KIAA1210: variants seen among roughly 807,000 people sequenced by gnomAD.
The protein encoded by KIAA1210 is KIAA1210, also known as acrosomal protein KIAA1210.
A neutral mutation model predicts 78.9 loss-of-function variants in KIAA1210; 48 were observed. The observed-to-expected ratio is 0.61, with a 90% CI of 0.48 to 0.77. The LOEUF is 0.77. Among genes scored for constraint, KIAA1210 ranks in the 30% least tolerant of loss-of-function variants. The pLI is 0.00. For missense variants in KIAA1210, 1,108 were observed against 1,100.0 expected (o/e 1.01, Z -0.10); for synonymous variants, 406 against 404.5 (o/e 1.00, Z -0.04).
intron 5 of KIAA1210, among the ~76,000 whole-genome samples, chrX:119,106,552 T>C (rs1927899423): frequency 8.9e-6 from 1 of 111,903 alleles, no homozygotes; most frequent in Non-Finnish European, 1.9e-5. Flanking sequence ...CCAGAACATA[T>C]GGTGTGCCTG....
chrX:119,096,762 T>A (rs1198851774), intron 6 of KIAA1210, 71 bp from the exon 7 acceptor site: 1 of 799,865 alleles, frequency 1.3e-6, no homozygotes, highest in Non-Finnish European at 1.7e-6. Flanking sequence ...TGGATATTCT[T>A]CCGGCTGAAG....
chrX:119,089,521 G>A lies in KIAA1210; in HGVS notation c.1181C>T (p.Ala394Val). ...SSEGYGLGDRAGSSPTNKTAR... is the reference protein window; with the variant it reads ...SSEGYGLGDRVGSSPTNKTAR... ...AGTCTTATTGGTAGGTGAAGACCCAGCTCTATCGCCCAGGCCATACCCTTC... is the reference window on the plus strand; with the variant it reads ...AGTCTTATTGGTAGGTGAAGACCCAACTCTATCGCCCAGGCCATACCCTTC... Residue 394 changes from alanine to valine, a missense_variant, in exon 9 of 12, where the codon GCT becomes GTT. This residue lies in a region of KIAA1210 where 672 missense variants were observed against 607.1 expected (regional missense o/e 1.11). Transcript: ENST00000691062. 1 of 1,211,563 alleles carries A rather than the reference G, an allele frequency of 8.3e-7. No individual in the cohort carries two copies. Among genetic ancestry groups the A allele is most frequent in the South Asian group, 1.8e-5 (1 of 56,939 alleles).
In KIAA1210 at chrX:119,104,972, G is replaced by C; in HGVS notation, c.648+20C>G. 1 of 1,196,394 alleles carries C rather than the reference G, an allele frequency of 8.4e-7. No homozygotes were observed. Among genetic ancestry groups the C allele is most frequent in the Non-Finnish European group, 1.1e-6 (1 of 887,323 alleles). ...TCTGATCTGTGAGGCCCCTCAACCT[G>C]TCCCTTAATATATACTCACCTGAGT... On this transcript the variant is annotated intron_variant, in intron 6 of 11. Coordinates refer to ENST00000691062, the MANE Select transcript of KIAA1210 (RefSeq NM_001394962.1).
intron 2 of KIAA1210, among the ~76,000 whole-genome samples, chrX:119,135,177 G>A (rs1328936255): frequency 1.8e-5 from 2 of 111,586 alleles, no homozygotes; most frequent in African/African-American, 6.5e-5. Flanking sequence ...CCCATGATTC[G>A]ACCACTACAC....
At chrX:119,149,184 A>C (rs1929234531) in intron 1 of KIAA1210, among the ~76,000 whole-genome samples, 1 of 110,763 alleles carries the variant, frequency 9.0e-6, no homozygotes, top group Non-Finnish European at 1.9e-5. Flanking sequence ...CAGTTCCTCC[A>C]TGTGCTCGCT....
In KIAA1210 at chrX:119,114,139, T is replaced by C. The variant is rs770851540; in HGVS notation, c.230+2357A>G. Reference sequence around the variant, plus strand: ...TTCAAATGGTAACTAGAGTAGCAGCTTGGGCATTGTGGGGCTAGCACCTGC... The same window carrying C: ...TTCAAATGGTAACTAGAGTAGCAGCCTGGGCATTGTGGGGCTAGCACCTGC... On this transcript the variant is annotated intron_variant, in intron 3 of 11. Coordinates refer to ENST00000691062, the MANE Select transcript of KIAA1210 (RefSeq NM_001394962.1). 1.2e-4 allele frequency among the ~76,000 whole-genome samples: 13 copies of C among 112,051 alleles called. No homozygotes were observed. The East Asian group carries it at 3.6e-3, about 31-fold the overall frequency.
intron 10 of KIAA1210, among the ~76,000 whole-genome samples, chrX:119,084,373 T>G (rs1927066705): frequency 9.0e-6 from 1 of 110,891 alleles, no homozygotes; most frequent in Non-Finnish European, 1.9e-5. Flanking sequence ...AATCCAAACA[T>G]CAAACACAGA....
chrX:119,138,218 T>TG (rs1556005026), intron 2 of KIAA1210, among the ~76,000 whole-genome samples: 2 of 84,507 alleles, frequency 2.4e-5, no homozygotes, highest in Non-Finnish European at 4.7e-5. Flanking sequence ...GTTGTTTTTT[T>TG]TTTTTTTTTT....
At chrX:119,125,731 ATATAT>A (rs1439237701) in intron 1 of KIAA1210, among the ~76,000 whole-genome samples, 7 of 7,609 alleles carry the variant, frequency 9.2e-4, no homozygotes, top group Admixed American at 4.2e-3. Flanking sequence ...ATATATATAT[ATATAT>A]TTTTTTTTTT....
chrX:119,140,962 C>T (rs1236816582), intron 2 of KIAA1210, among the ~76,000 whole-genome samples: 1 of 112,337 alleles, frequency 8.9e-6, no homozygotes, highest in African/African-American at 3.2e-5. Flanking sequence ...TTTCCGTTAA[C>T]AGGTTTCTGG....
intron 9 of KIAA1210, among the ~76,000 whole-genome samples, 179 bp from the exon 10 acceptor site, chrX:119,085,725 C>CTTCCTTGCCTTGGCA (rs1437005810): frequency 7.1e-5 from 8 of 112,340 alleles, no homozygotes; most frequent in Non-Finnish European, 1.5e-4. Context: ...CTTGGCAAGG[C>CTTCCTTGCCTTGGCA]AGGAGTTCCT....
intron 11 of KIAA1210, 78 bp from the exon 12 acceptor site, chrX:119,081,582 T>G: frequency 1.0e-6 from 1 of 973,791 alleles, no homozygotes; most frequent in East Asian, 3.2e-5. Flanking sequence ...GAATGCCATA[T>G]AATGTTTCCT....
chrX:119,091,678 C>T (rs1181726050), intron 8 of KIAA1210, among the ~76,000 whole-genome samples: 2 of 111,636 alleles, frequency 1.8e-5, no homozygotes, highest in African/African-American at 3.3e-5. Context: ...CAGCATACGG[C>T]GCTGAGAATA....
At chrX:119,106,105 G>A (rs1472373859) in intron 5 of KIAA1210, among the ~76,000 whole-genome samples, 1 of 111,629 alleles carries the variant, frequency 9.0e-6, no homozygotes, top group African/African-American at 3.3e-5. Flanking sequence ...GTGCTCCTGG[G>A]GTGCTCCTGG....
chrX:119,149,708 C>T (rs965303664), intron 1 of KIAA1210, among the ~76,000 whole-genome samples: 2 of 112,202 alleles, frequency 1.8e-5, no homozygotes, highest in Admixed American at 1.9e-4. Flanking sequence ...ACACTGTGGA[C>T]ACATAATAAG....
In KIAA1210 at chrX:119,093,713, G is replaced by A; in HGVS notation, c.909C>T (p.Thr303=). The change falls in exon 8 of 12, where the codon ACC becomes ACT. Residue 303 remains threonine (T), a synonymous_variant. Coordinates refer to ENST00000691062, the MANE Select transcript of KIAA1210 (RefSeq NM_001394962.1). ...PLVSEEEKSI[T]KPKEINEKKL... ...TCTTTTCGTTGATTTCTTTTGGTTT[G>A]GTTATGCTCTTTTCTTCTTCAGAAA... 1 of 1,209,990 alleles carries A rather than the reference G, an allele frequency of 8.3e-7. No individual in the cohort carries two copies.
chrX:119,123,701 C>G (rs1477846103), intron 1 of KIAA1210, 49 bp from the exon 2 acceptor site: 2 of 841,464 alleles, frequency 2.4e-6, no homozygotes, highest in East Asian at 3.3e-5. Context: ...ATTTGATATT[C>G]AGGGCGTAAT....
At chrX:119,093,249 A>G (rs1569314192) in intron 8 of KIAA1210, among the ~76,000 whole-genome samples, 2 of 112,154 alleles carry the variant, frequency 1.8e-5, no homozygotes, top group African/African-American at 6.5e-5. Flanking sequence ...TAAAAAAATG[A>G]TTTTTTGGCC....
rs746144815 is a variant in KIAA1210 at position 119,116,550 on chromosome X, T to C, written c.176A>G (p.Asn59Ser). Residue 59 changes from asparagine to serine, a missense_variant, in exon 3 of 12, where the codon AAC becomes AGC. Physicochemically the swap from Asn to Ser is conservative, Grantham distance 46. Transcript: ENST00000691062. ...EMLELSLSSS[N>S]INISSLQPVR... ...GGGCTGCAGAGAAGAGATGTTAATG[T>C]TGCTGCTGGACAAGCTCAGTTCTAG... is the stretch of plus-strand genomic sequence containing the variant. 4.1e-6 allele frequency: 5 copies of C among 1,211,749 alleles called. No homozygotes were observed. Among genetic ancestry groups the C allele is most frequent in the Non-Finnish European group, 5.6e-6 (5 of 895,274 alleles).
Sources: gnomAD v4.1 joint callset for allele counts (sites outside exome capture counted in the v4.1 genomes callset) on GRCh38, gnomAD v4.1.1 for gene constraint, gnomAD v4.1.1 regional missense constraint, MANE v1.5 for transcripts, NCBI Gene and HGNC (gene_info 2026-07-23, HGNC 2026-07-21) for gene names.